Variants in GLRA2 observed in about 807,000 individuals in gnomAD.
GLRA2 encodes glycine receptor subunit alpha-2.
GLRA2 carries 11 observed loss-of-function variants against 31.6 expected under a neutral mutation model. That is an observed-to-expected ratio of 0.35 (90% confidence interval 0.22 to 0.58). The LOEUF is 0.58. GLRA2 is among the 20% of genes least tolerant of loss of function. The pLI is 0.84. For missense variants in GLRA2, 212 were observed against 351.8 expected (o/e 0.60, Z 3.18); for synonymous variants, 132 against 134.0 (o/e 0.99, Z 0.10).
At chrX:14,501,974 A>G in the GLRA2 span, among the ~76,000 whole-genome samples, 1 of 111,085 alleles carries the variant, frequency 9.0e-6, no homozygotes, top group East Asian at 2.8e-4. Flanking sequence ...TCAGTGTCCT[A>G]ATCTTTTCTT....
the GLRA2 span, among the ~76,000 whole-genome samples, chrX:14,463,066 C>A: frequency 1.7e-4 from 19 of 111,716 alleles, no homozygotes; most frequent in African/African-American, 6.2e-4. Context: ...TGATGCTATT[C>A]CTTTCTGTTT....
Position 14,712,824 on chromosome X carries a change from C to T in GLRA2, c.1081-17383C>T, listed in dbSNP as rs770996654. Among the ~76,000 whole-genome samples the T allele has an allele frequency of 4.5e-5, 5 of 111,464 alleles. No homozygotes were observed. The East Asian group carries it at 1.4e-3, about 32-fold the overall frequency. On this transcript the variant is annotated intron_variant, in intron 8 of 8. Coordinates refer to ENST00000218075, the MANE Select transcript of GLRA2 (RefSeq NM_002063.4). ...AGTAAGATCATAAAGTGGGAGTCCACAGAAAGGTCTAGCCACCGTGTCTAA... is the reference window on the plus strand; with the variant it reads ...AGTAAGATCATAAAGTGGGAGTCCATAGAAAGGTCTAGCCACCGTGTCTAA...
chrX:14,684,723 C>G lies in GLRA2; in HGVS notation c.931-5987C>G, dbSNP rs1005364956. Among the ~76,000 whole-genome samples the G allele has an allele frequency of 2.7e-4, 30 of 111,392 alleles. No homozygotes were observed. In the Admixed American group the frequency reaches 2.8e-3, roughly 10 times the overall value. On this transcript the variant is annotated intron_variant, in intron 7 of 8. Coordinates refer to ENST00000218075, the MANE Select transcript of GLRA2 (RefSeq NM_002063.4). ...GCTTAAGGAGATTTTTGGCTGAGAC[C>G]ATGGGGTTTTCTAAAGATAAAATCA... is the stretch of plus-strand genomic sequence containing the variant.
chrX:14,602,419 T>C (rs987866881), intron 4 of GLRA2, among the ~76,000 whole-genome samples: 2 of 108,657 alleles, frequency 1.8e-5, no homozygotes, highest in African/African-American at 6.7e-5. Context: ...TTGTTTTTCC[T>C]TTTTTTTTCA....
At chrX:14,606,438 C>A (rs2090335131) in intron 5 of GLRA2, among the ~76,000 whole-genome samples, 1 of 111,515 alleles carries the variant, frequency 9.0e-6, no homozygotes, top group Admixed American at 9.6e-5. Context: ...AAAATATGAT[C>A]TTTCATAATA....
chrX:14,647,175 C>T (rs886694103), intron 7 of GLRA2, among the ~76,000 whole-genome samples: 2 of 111,826 alleles, frequency 1.8e-5, no homozygotes, highest in Non-Finnish European at 3.8e-5. Context: ...ATTCAGGAGC[C>T]AAGAGCCATT....
chrX:14,502,901 A>G, the GLRA2 span, among the ~76,000 whole-genome samples: 1 of 106,627 alleles, frequency 9.4e-6, no homozygotes, highest in African/African-American at 3.4e-5. Context: ...AAAAAAAAAA[A>G]CCATGGCAGT....
the GLRA2 span, among the ~76,000 whole-genome samples, chrX:14,487,107 T>A: frequency 9.1e-6 from 1 of 110,458 alleles, no homozygotes; most frequent in East Asian, 2.8e-4. Context: ...GCCTATGATA[T>A]ATTTAATAAA....
intron 7 of GLRA2, among the ~76,000 whole-genome samples, chrX:14,622,149 T>C (rs1236645442): frequency 1.8e-5 from 2 of 112,540 alleles, no homozygotes; most frequent in Non-Finnish European, 3.8e-5. Context: ...TTTGGCTGCA[T>C]AAATGTCTTC....
At chrX:14,681,910 A>ATATATATATATATATATAT (rs1556060453) in intron 7 of GLRA2, among the ~76,000 whole-genome samples, 1 of 41,276 alleles carries the variant, frequency 2.4e-5, no homozygotes, top group Non-Finnish European at 4.4e-5. Flanking sequence ...AAAAAAAAAA[A>ATATATATATATATATATAT]ATATATATAT....
chrX:14,651,210 G>T (rs1356161402), intron 7 of GLRA2, among the ~76,000 whole-genome samples: 1 of 111,225 alleles, frequency 9.0e-6, no homozygotes, highest in Non-Finnish European at 1.9e-5. Flanking sequence ...GAACTTGTAG[G>T]GCTTCATGAG....
chrX:14,541,918 G>A (rs749810311), intron 2 of GLRA2, among the ~76,000 whole-genome samples: 1 of 111,157 alleles, frequency 9.0e-6, no homozygotes, highest in South Asian at 3.8e-4. Flanking sequence ...CCAACCAGAT[G>A]TGTTTCTCAA....
chrX:14,566,396 C>G lies in GLRA2; in HGVS notation c.203-7937C>G, dbSNP rs185947478. ...AGAAAAATTAACATGAATCTTCAAA[C>G]TCTTCTAAGAAGTAGGCAAGGAGGA... On this transcript the variant is annotated intron_variant, in intron 2 of 8. Coordinates refer to ENST00000218075, the MANE Select transcript of GLRA2 (RefSeq NM_002063.4). Among the ~76,000 whole-genome samples the G allele has an allele frequency of 3.6e-5, 4 of 112,084 alleles. No individual in the cohort carries two copies. The East Asian group carries it at 1.1e-3, about 31-fold the overall frequency.
At chrX:14,498,550 G>A in the GLRA2 span, among the ~76,000 whole-genome samples, 22 of 109,919 alleles carry the variant, frequency 2.0e-4, no homozygotes, top group Admixed American at 2.1e-3. Flanking sequence ...TGTATAATTT[G>A]TACAGATCAA....
chrX:14,623,263 G>T (rs892964070), intron 7 of GLRA2, among the ~76,000 whole-genome samples: 18 of 111,525 alleles, frequency 1.6e-4, no homozygotes, highest in Non-Finnish European at 3.8e-5. Context: ...AGACAATGGG[G>T]TTTTCTATAT....
intron 4 of GLRA2, among the ~76,000 whole-genome samples, chrX:14,586,160 G>A (rs2090078196): frequency 9.0e-6 from 1 of 110,692 alleles, no homozygotes; most frequent in African/African-American, 3.3e-5. Context: ...AAAAGGTAGG[G>A]GTCTAAAAAA....
chrX:14,605,193 G>A (rs1435778257), intron 5 of GLRA2, among the ~76,000 whole-genome samples: 1 of 111,494 alleles, frequency 9.0e-6, no homozygotes, highest in African/African-American at 3.3e-5. Flanking sequence ...GACCTACATG[G>A]ACGTTAGGAG....
rs1474425836 is a variant in GLRA2 at position 14,692,570 on chromosome X, T to C, written c.1080+1711T>C. Among the ~76,000 whole-genome samples, 3 of 111,932 alleles carry C rather than the reference T, an allele frequency of 2.7e-5. 1 individual carries two copies. The highest frequency in any genetic ancestry group is 5.6e-5 in the Non-Finnish European group (3 of 53,221). On this transcript the variant is annotated intron_variant, in intron 8 of 8. Transcript: ENST00000218075. ...ACTCACCTAGGACCCTTGTGAAACA[T>C]ACTAATTCTCAGCAAAATTCCTTTC...
chrX:14,451,955 AAAGAGG>A, the GLRA2 span, among the ~76,000 whole-genome samples: 3 of 111,735 alleles, frequency 2.7e-5, no homozygotes, highest in African/African-American at 9.8e-5. Context: ...TTTTCTACAA[AAAGAGG>A]AAGAGCCCAG....
Sources: gnomAD v4.1 joint callset for allele counts (sites outside exome capture counted in the v4.1 genomes callset) on GRCh38, gnomAD v4.1.1 for gene constraint, MANE v1.5 for transcripts, NCBI Gene and HGNC (gene_info 2026-07-23, HGNC 2026-07-21) for gene names.